Variants in SFT2D2 observed in about 807,000 individuals in gnomAD.
SFT2D2 encodes SFT2 domain containing 2.
Under a neutral mutation model 27.4 loss-of-function variants are expected in SFT2D2, and 21 were observed. That is an observed-to-expected ratio of 0.77 (90% confidence interval 0.54 to 1.10). SFT2D2 has a LOEUF of 1.10. Ranked by LOEUF, SFT2D2 falls within the 50% of genes least tolerant of loss-of-function variation. SFT2D2 has a pLI of 0.00. For synonymous variants in SFT2D2, 72 were observed against 71.7 expected (o/e 1.00, Z -0.02); for missense variants, 187 against 194.2 (o/e 0.96, Z 0.22).
intron 3 of SFT2D2, among the ~76,000 whole-genome samples, chr1:168,234,700 G>T (rs973524546): frequency 6.6e-6 from 1 of 152,144 alleles, no homozygotes; most frequent in African/African-American, 2.4e-5. Context: ...TGTAAGGTAT[G>T]GTTTTTCTTT....
rs1184490578 is a variant in SFT2D2 at position 168,226,077 on chromosome 1, G to T, written c.-3G>T. The T allele has an allele frequency of 1.6e-5, 25 of 1,530,986 alleles. No individual in the cohort carries two copies. The highest frequency in any genetic ancestry group is 2.0e-5 in the Non-Finnish European group (23 of 1,137,934). 94.8% of individuals were successfully genotyped at this position (1,530,986 alleles called of 1,614,324 possible). On this transcript the variant is annotated 5_prime_UTR_variant, in exon 1 of 8. Transcript: ENST00000271375. ...AGCTGGAGCTGGTGGGGACTGGGCC[G>T]CAATGGACAAGCTGAAGAAGGTGCT...
At chr1:168,235,297 AT>A in intron 4 of SFT2D2, 115 bp downstream of exon 4, 1 of 979,892 alleles carries the variant, frequency 1.0e-6, no homozygotes. Flanking sequence ...AGCTTGACTT[AT>A]TACCCTATTC....
intron 7 of SFT2D2, among the ~76,000 whole-genome samples, 188 bp downstream of exon 7, chr1:168,239,348 G>A (rs1447178433): frequency 6.6e-6 from 1 of 151,846 alleles, no homozygotes; most frequent in Non-Finnish European, 1.5e-5. Flanking sequence ...TACAACTAAT[G>A]ATGGATATTT....
At chr1:168,235,314 AC>A in intron 4 of SFT2D2, 132 bp downstream of exon 4, 1 of 847,392 alleles carries the variant, frequency 1.2e-6, no homozygotes, top group Non-Finnish European at 1.9e-6. Context: ...TATTCCTATA[AC>A]CATGTGGCAG....
At position 168,246,804 on chromosome 1, in the gene SFT2D2, T is replaced by C. The variant is rs193158207; in HGVS notation, c.*4264T>C. On this transcript the variant is annotated 3_prime_UTR_variant, in exon 8 of 8. Transcript: ENST00000271375. ...CAGAGCAGTAAGCTGTCCACTATAA[T>C]GGGCTATCGTTTTTGTTGATTTTTC... is the stretch of plus-strand genomic sequence containing the variant. 1.9e-5 allele frequency: 13 copies of C among 676,518 alleles called. No homozygotes were observed. Among genetic ancestry groups the C allele is most frequent in the African/African-American group, 1.8e-4 (10 of 56,222 alleles). The allele number at this position is 676,518 out of a possible 1,614,324, so 41.9% of individuals were successfully genotyped here. A position where few individuals can be genotyped will look rare whatever the true frequency, so the allele number is the denominator to read the frequency against.
At position 168,242,948 on chromosome 1, in the gene SFT2D2, G is replaced by A. The variant is rs1335505893; in HGVS notation, c.*408G>A. 2 of 250,332 alleles carry A rather than the reference G, an allele frequency of 8.0e-6. No individual in the cohort carries two copies. Among genetic ancestry groups the A allele is most frequent in the Non-Finnish European group, 1.6e-5 (2 of 125,850 alleles). 15.5% of individuals were successfully genotyped at this position (250,332 alleles called of 1,614,324 possible). On this transcript the variant is annotated 3_prime_UTR_variant, in exon 8 of 8. Transcript: ENST00000271375. ...AGGGACAGAGTTTTGGGGTCCACTT[G>A]TCCCTCAGCATGGAAGCCATCACCG...
At chr1:168,241,240 C>T (rs1221639920) in intron 7 of SFT2D2, among the ~76,000 whole-genome samples, 1 of 118,714 alleles carries the variant, frequency 8.4e-6, no homozygotes, top group African/African-American at 3.1e-5. Context: ...TGGAGTCTCA[C>T]TCTATGGCCC....
chr1:168,252,334 G>A lies in SFT2D2; in HGVS notation c.*9794G>A, dbSNP rs1647969438. On this transcript the variant is annotated 3_prime_UTR_variant, in exon 8 of 8. Coordinates refer to ENST00000271375, the MANE Select transcript of SFT2D2 (RefSeq NM_199344.3). ...ACTGGTCCCCGATATAAATGGACTAGCTACCTGGACATAATATCCTTGTGA... is the reference window on the plus strand; with the variant it reads ...ACTGGTCCCCGATATAAATGGACTAACTACCTGGACATAATATCCTTGTGA... 1 of 152,158 alleles carries A rather than the reference G, an allele frequency of 6.6e-6. No homozygotes were observed. Among genetic ancestry groups the A allele is most frequent in the African/African-American group, 2.4e-5 (1 of 41,428 alleles). The allele number at this position is 152,158 out of a possible 1,614,324, so 9.4% of individuals were successfully genotyped here. A position where few individuals can be genotyped will look rare whatever the true frequency, so the allele number is the denominator to read the frequency against.
rs1417944577 is a variant in SFT2D2 at position 168,246,604 on chromosome 1, A to G, written c.*4064A>G. ...ATTCAAATTTTCCTGTAAATGACGC[A>G]ATTTATCTACTGTGCCCTGGAAATC... On this transcript the variant is annotated 3_prime_UTR_variant, in exon 8 of 8. Transcript: ENST00000271375. 6.1e-6 allele frequency: 9 copies of G among 1,482,996 alleles called. No homozygotes were observed. Among genetic ancestry groups the G allele is most frequent in the African/African-American group, 2.8e-5 (2 of 72,188 alleles). The allele number at this position is 1,482,996 out of a possible 1,614,324, so 91.9% of individuals were successfully genotyped here.
At position 168,244,125 on chromosome 1, in the gene SFT2D2, C is replaced by T. The variant is rs958357807; in HGVS notation, c.*1585C>T. The T allele has an allele frequency of 6.6e-6, 1 of 152,124 alleles. No homozygotes were observed. Among genetic ancestry groups the T allele is most frequent in the Non-Finnish European group, 1.5e-5 (1 of 68,192 alleles). The allele number at this position is 152,124 out of a possible 1,614,324, so 9.4% of individuals were successfully genotyped here. A position where few individuals can be genotyped will look rare whatever the true frequency, so the allele number is the denominator to read the frequency against. ...CTGCTGGTTGTCCCCTTTCTTGTGG[C>T]TAATTGCTGAACCTTTCTTTGTCCT... On this transcript the variant is annotated 3_prime_UTR_variant, in exon 8 of 8. Transcript: ENST00000271375.
At position 168,251,326 on chromosome 1, in the gene SFT2D2, A is replaced by T. The variant is rs989525761; in HGVS notation, c.*8786A>T. ...TGAGACTCTGTCTCAAAAATAAATAAAAAAAAAAATCACTTTTTGATACTT... is the reference window on the plus strand; with the variant it reads ...TGAGACTCTGTCTCAAAAATAAATATAAAAAAAAATCACTTTTTGATACTT... On this transcript the variant is annotated 3_prime_UTR_variant, in exon 8 of 8. Coordinates refer to ENST00000271375, the MANE Select transcript of SFT2D2 (RefSeq NM_199344.3). The T allele has an allele frequency of 1.5e-5, 2 of 133,354 alleles. No homozygotes were observed. The highest frequency in any genetic ancestry group is 3.3e-5 in the Non-Finnish European group (2 of 60,524). The allele number at this position is 133,354 out of a possible 1,614,324, so 8.3% of individuals were successfully genotyped here. A position where few individuals can be genotyped will look rare whatever the true frequency, so the allele number is the denominator to read the frequency against.
In SFT2D2 at chr1:168,246,273, G is replaced by GT. The variant is rs368230415; in HGVS notation, c.*3739dup. ...ACATTTGGCTTGACTATCAATTACTGTTTTTTCTTGATTGTCAGCTTTGTT... is the reference window on the plus strand; with the variant it reads ...ACATTTGGCTTGACTATCAATTACTGTTTTTTTCTTGATTGTCAGCTTTGTT... On this transcript the variant is annotated 3_prime_UTR_variant, in exon 8 of 8. Transcript: ENST00000271375. 3 of 379,868 alleles carry GT rather than the reference G, an allele frequency of 7.9e-6. No homozygotes were observed. Among genetic ancestry groups the GT allele is most frequent in the Non-Finnish European group, 1.5e-5 (3 of 200,918 alleles). 23.5% of individuals were successfully genotyped at this position (379,868 alleles called of 1,614,324 possible).
chr1:168,233,672 G>A (rs928702912), intron 3 of SFT2D2, among the ~76,000 whole-genome samples: 2 of 152,180 alleles, frequency 1.3e-5, no homozygotes, highest in African/African-American at 4.8e-5. Flanking sequence ...GACAGTGTAA[G>A]TTACATTGTA....
In SFT2D2 at chr1:168,247,333, C is replaced by G; in HGVS notation, c.*4793C>G. 1.1e-5 allele frequency: 2 copies of G among 186,756 alleles called. No individual in the cohort carries two copies. The highest frequency in any genetic ancestry group is 5.7e-5 in the Admixed American group (1 of 17,656). 11.6% of individuals were successfully genotyped at this position (186,756 alleles called of 1,614,324 possible). ...ATGTTATCCCTCCCCTAGCCCCCAC[C>G]CCCGGACAGGCCCCGGTATGTGATG... On this transcript the variant is annotated 3_prime_UTR_variant, in exon 8 of 8. Coordinates refer to ENST00000271375, the MANE Select transcript of SFT2D2 (RefSeq NM_199344.3).
chr1:168,229,375 A>G (rs1275735174), intron 1 of SFT2D2, among the ~76,000 whole-genome samples: 1 of 152,232 alleles, frequency 6.6e-6, no homozygotes, highest in African/African-American at 2.4e-5. Flanking sequence ...TCTAGATGTC[A>G]AAGCCAATTC....
intron 3 of SFT2D2, among the ~76,000 whole-genome samples, chr1:168,234,601 C>T (rs1384027391): frequency 1.3e-5 from 2 of 152,030 alleles, no homozygotes; most frequent in East Asian, 1.9e-4. Flanking sequence ...ACAAATAACC[C>T]ATGATGATAT....
intron 3 of SFT2D2, 85 bp downstream of exon 3, chr1:168,232,004 A>C: frequency 4.7e-6 from 5 of 1,060,070 alleles, no homozygotes; most frequent in Non-Finnish European, 7.3e-6. Context: ...GTGAAAGAGG[A>C]GGCTCCAGTA....
chr1:168,235,227 T>C, intron 4 of SFT2D2, 45 bp downstream of exon 4: 1 of 1,563,134 alleles, frequency 6.4e-7, no homozygotes, highest in Non-Finnish European at 8.8e-7. Flanking sequence ...GGAGTTTTTA[T>C]TTCTATTGTA....
intron 3 of SFT2D2, 119 bp downstream of exon 3, chr1:168,232,038 T>C (rs763910657): frequency 1.9e-5 from 14 of 748,784 alleles, no homozygotes; most frequent in Non-Finnish European, 3.0e-5. Context: ...TGGAGAGAAG[T>C]AGTTAGAATA....
Sources: allele counts gnomAD v4.1 joint callset (sites outside exome capture counted in the v4.1 genomes callset), GRCh38; gene constraint gnomAD v4.1.1; transcripts MANE v1.5; gene names NCBI Gene and HGNC (gene_info 2026-07-23, HGNC 2026-07-21).